UROS: variants seen among roughly 807,000 people sequenced by gnomAD.
UROS encodes uroporphyrinogen-III synthase.
Under a neutral mutation model 33.0 loss-of-function variants are expected in UROS, and 18 were observed. The observed-to-expected ratio is 0.55, with a 90% confidence interval of 0.38 to 0.81. The LOEUF (loss-of-function observed/expected upper bound fraction) is 0.81, where lower values mean the gene tolerates loss of function less well. Ranked by LOEUF, UROS falls within the 30% of genes least tolerant of loss-of-function variation. The probability of loss-of-function intolerance (pLI) is 0.00; values close to 1 mark genes in which losing one functional copy is unlikely to be tolerated. For synonymous variants in UROS, 114 were observed against 121.1 expected, an observed-to-expected ratio of 0.94 and a Z score of 0.38; for missense variants, 293 against 314.9, an observed-to-expected ratio of 0.93 and a Z score of 0.53.
chr10:125,801,230 A>G (rs541188766), intron 6 of UROS, among the ~76,000 whole-genome samples: 46 of 152,328 alleles, frequency 3.0e-4, no homozygotes, highest in African/African-American at 1.1e-3. Flanking sequence ...CCAATCCAGG[A>G]GGACATTTCA....
intron 2 of UROS, 52 bp downstream of exon 2, chr10:125,816,385 C>T: frequency 6.2e-7 from 1 of 1,610,616 alleles, no homozygotes; most frequent in African/African-American, 1.3e-5. Flanking sequence ...GCTCCAGGCC[C>T]CTTGACTCAG....
At chr10:125,803,176 T>G (rs1284351895) in intron 6 of UROS, among the ~76,000 whole-genome samples, 4 of 152,176 alleles carry the variant, frequency 2.6e-5, no homozygotes, top group Non-Finnish European at 5.9e-5. Flanking sequence ...ATGGACAAGT[T>G]TTCCCTCTCT....
chr10:125,810,326 G>A (rs1033254217), intron 5 of UROS, among the ~76,000 whole-genome samples: 16 of 152,174 alleles, frequency 1.1e-4, no homozygotes, highest in African/African-American at 2.7e-4. Flanking sequence ...ATTGCCTTGC[G>A]ACAGGGGACG....
At position 125,788,994 on chromosome 10, in the gene UROS, G is replaced by A. The variant is rs776834410; in HGVS notation, c.672C>T (p.Ile224=). Residue 224 remains isoleucine (I), a synonymous_variant, in exon 10 of 10, where the codon ATC becomes ATT. Transcript: ENST00000368797. The stretch of plus-strand genomic sequence containing the variant: ...CCAGCGCGCGAGCCGTAGTGGGGCC[G>A]ATGGCTGCAAACTATAAAGACAGAA... ...DNIDQIKFAA[I]GPTTARALAA... is the part of the protein sequence containing the mutation. The A allele has an allele frequency of 2.9e-5, 46 of 1,612,806 alleles. No individual in the cohort carries two copies. The highest frequency in any genetic ancestry group is 3.3e-4 in the Middle Eastern group (2 of 6,082).
intron 1 of UROS, 127 bp from the exon 2 acceptor site, chr10:125,816,652 C>T: frequency 1.1e-6 from 1 of 884,992 alleles, no homozygotes; most frequent in Non-Finnish European, 1.8e-6. Context: ...CCCTCCTACA[C>T]CATGACTTAG....
At chr10:125,795,071 C>G in intron 8 of UROS, 93 bp from the exon 9 acceptor site, 1 of 1,266,396 alleles carries the variant, frequency 7.9e-7, no homozygotes. Context: ...CCTCAAGCCA[C>G]AGGCCACCAA....
At chr10:125,804,949 G>T (rs1852187268) in intron 6 of UROS, among the ~76,000 whole-genome samples, 1 of 152,222 alleles carries the variant, frequency 6.6e-6, no homozygotes, top group East Asian at 1.9e-4. Flanking sequence ...CCTGCAAAGG[G>T]CCTGGCACAC....
intron 6 of UROS, among the ~76,000 whole-genome samples, chr10:125,805,540 G>A (rs1306496486): frequency 6.6e-6 from 1 of 152,198 alleles, no homozygotes; most frequent in Admixed American, 6.5e-5. Context: ...TGGTGATGAT[G>A]GGAATGTTCT....
chr10:125,794,865 C>G lies in UROS; in HGVS notation c.660+15G>C, dbSNP rs1295017631. ...AAGAATCTGAAAAAGACCAAAAGCT[C>G]ATTGAATAACTTACCTTAATTTGAT... On this transcript the variant is annotated intron_variant, in intron 9 of 9. Coordinates refer to ENST00000368797, the MANE Select transcript of UROS (RefSeq NM_000375.3). The G allele has an allele frequency of 6.3e-7, 1 of 1,597,406 alleles. No individual in the cohort carries two copies. Among genetic ancestry groups the G allele is most frequent in the African/African-American group, 1.3e-5 (1 of 74,390 alleles).
chr10:125,789,886 T>C (rs910324089), intron 9 of UROS, among the ~76,000 whole-genome samples: 11 of 152,244 alleles, frequency 7.2e-5, no homozygotes, highest in African/African-American at 2.7e-4. Context: ...AGAGGGCTAG[T>C]GTGGGGGTTA....
chr10:125,821,705 T>C (rs1853918617), intron 1 of UROS, among the ~76,000 whole-genome samples: 1 of 152,250 alleles, frequency 6.6e-6, no homozygotes, highest in South Asian at 2.1e-4. Flanking sequence ...ACTCTGTTGA[T>C]ATGTTCACAT....
At chr10:125,790,167 G>A (rs954358494) in intron 9 of UROS, among the ~76,000 whole-genome samples, 5 of 152,198 alleles carry the variant, frequency 3.3e-5, no homozygotes, top group African/African-American at 1.2e-4. Flanking sequence ...CAGAGGCCCC[G>A]CTCCCACCCC....
At chr10:125,811,851 A>T (rs1403997578) in intron 5 of UROS, among the ~76,000 whole-genome samples, 3 of 152,086 alleles carry the variant, frequency 2.0e-5, no homozygotes, top group Non-Finnish European at 4.4e-5. Flanking sequence ...TTAGGCTTTT[A>T]AAAAAATTAT....
chr10:125,807,295 C>A (rs1852417657), intron 6 of UROS, 118 bp downstream of exon 6: 2 of 895,514 alleles, frequency 2.2e-6, no homozygotes, highest in East Asian at 2.6e-5. Flanking sequence ...TTATACGATG[C>A]TCACCAATCA....
chr10:125,795,076 C>T (rs1420934751), intron 8 of UROS, 98 bp from the exon 9 acceptor site: 3 of 1,206,584 alleles, frequency 2.5e-6, no homozygotes, highest in Non-Finnish European at 3.7e-6. Flanking sequence ...AGCCACAGGC[C>T]ACCAAGGCGG....
intron 7 of UROS, among the ~76,000 whole-genome samples, chr10:125,796,396 A>G (rs1589937305): frequency 6.6e-6 from 1 of 152,220 alleles, no homozygotes; most frequent in East Asian, 1.9e-4. Flanking sequence ...CCGGTGGAAG[A>G]GGAGGCTGAG....
chr10:125,802,726 T>C (rs779234432), intron 6 of UROS: 16 of 1,387,360 alleles, frequency 1.2e-5, no homozygotes, highest in Non-Finnish European at 1.5e-5. Flanking sequence ...AGCCTAGCAG[T>C]ATCTCTTTAG....
At chr10:125,796,253 T>G in intron 7 of UROS, 65 bp from the exon 8 acceptor site, 1 of 1,507,018 alleles carries the variant, frequency 6.6e-7, no homozygotes, top group African/African-American at 1.4e-5. Context: ...CTCCACCACT[T>G]CACAGCACAG....
At chr10:125,809,961 T>C (rs763138001) in intron 5 of UROS, among the ~76,000 whole-genome samples, 8 of 152,220 alleles carry the variant, frequency 5.3e-5, no homozygotes, top group Non-Finnish European at 1.0e-4. Context: ...CTTCTCTCAC[T>C]GGACTTCCAC....
Sources: gnomAD v4.1 joint callset for allele counts (sites outside exome capture counted in the v4.1 genomes callset) on GRCh38, gnomAD v4.1.1 for gene constraint, MANE v1.5 for transcripts, NCBI Gene and HGNC (gene_info 2026-07-23, HGNC 2026-07-21) for gene names.